Variants in TAFA5 observed in about 807,000 individuals in gnomAD.
The protein encoded by TAFA5 is TAFA chemokine like family member 5.
Under a neutral mutation model 15.3 loss-of-function variants are expected in TAFA5, and 6 were observed. That is an observed-to-expected ratio of 0.39 (90% CI 0.21 to 0.77). The LOEUF (loss-of-function observed/expected upper bound fraction) is 0.77. Ranked by LOEUF, TAFA5 falls within the 30% of genes least tolerant of loss-of-function variation. The pLI, the probability that TAFA5 is intolerant of heterozygous loss-of-function variation, is 0.41. For missense variants in TAFA5, 161 were observed against 193.1 expected (o/e 0.83, Z 0.98); for synonymous variants, 103 against 80.7 (o/e 1.28, Z -1.48).
At chr22:48,535,735 C>T (rs182581513) in intron 1 of TAFA5, among the ~76,000 whole-genome samples, 58 of 151,964 alleles carry the variant, frequency 3.8e-4, no homozygotes, top group African/African-American at 6.8e-4. Flanking sequence ...GTCACACCGG[C>T]ACATCACACG....
At chr22:48,513,079 G>T (rs1921281348) in intron 1 of TAFA5, among the ~76,000 whole-genome samples, 1 of 152,166 alleles carries the variant, frequency 6.6e-6, no homozygotes, top group Non-Finnish European at 1.5e-5. Flanking sequence ...CAGCCACTCT[G>T]GGGTGCGTTT....
intron 3 of TAFA5, among the ~76,000 whole-genome samples, chr22:48,745,488 T>C (rs2147277050): frequency 6.6e-6 from 1 of 151,338 alleles, no homozygotes; most frequent in East Asian, 2.0e-4. Context: ...GCGGCTGGCC[T>C]GTCCGGGGTT....
chr22:48,595,038 T>G (rs921049969), intron 1 of TAFA5, among the ~76,000 whole-genome samples: 1 of 152,122 alleles, frequency 6.6e-6, no homozygotes. Context: ...GTGGTTCTAG[T>G]TCTAGAAAGG....
rs915452827 is a variant in TAFA5 at position 48,709,233 on chromosome 22, C to T, written c.390+1389C>T. On this transcript the variant is annotated intron_variant, in intron 3 of 3. Transcript: ENST00000402357. Reference sequence around the variant, plus strand: ...TGCGGACAGGACAGGAGATGAGGGACGTGGGTTGCTCTAAGCTGAGGTCCT... The same window carrying T: ...TGCGGACAGGACAGGAGATGAGGGATGTGGGTTGCTCTAAGCTGAGGTCCT... Among the ~76,000 whole-genome samples the T allele has an allele frequency of 5.9e-5, 9 of 152,262 alleles. No individual in the cohort carries two copies. The South Asian group carries it at 8.3e-4, about 14-fold the overall frequency.
intron 1 of TAFA5, among the ~76,000 whole-genome samples, chr22:48,630,549 C>T (rs948769542): frequency 6.6e-6 from 1 of 152,200 alleles, no homozygotes; most frequent in African/African-American, 2.4e-5. Context: ...GGCAGGTGGC[C>T]ACGCCTTCTT....
Position 48,675,987 on chromosome 22 carries a change from C to A in TAFA5, c.262+29241C>A, listed in dbSNP as rs1927960221. On this transcript the variant is annotated intron_variant, in intron 2 of 3. Coordinates refer to ENST00000402357, the MANE Select transcript of TAFA5 (RefSeq NM_001082967.3). ...GGCGCCCACCACTGGCAAGCAGGTG[C>A]TGCCTCCAGAAGGCTGCTGAGGCAG... Among the ~76,000 whole-genome samples, 3 of 152,288 alleles carry A rather than the reference C, an allele frequency of 2.0e-5. 1 individual carries two copies. The highest frequency in any genetic ancestry group is 2.0e-4 in the Admixed American group (3 of 15,292).
At chr22:48,739,932 G>A (rs1930132979) in intron 3 of TAFA5, among the ~76,000 whole-genome samples, 1 of 152,212 alleles carries the variant, frequency 6.6e-6, no homozygotes, top group African/African-American at 2.4e-5. Context: ...TGAGTCAGCA[G>A]AAGCTCTGGG....
At chr22:48,510,931 CCATCTTTGG>C (rs2147101324) in intron 1 of TAFA5, among the ~76,000 whole-genome samples, 1 of 152,370 alleles carries the variant, frequency 6.6e-6, no homozygotes, top group South Asian at 2.1e-4. Flanking sequence ...TTGCAAAAGT[CCATCTTTGG>C]AAGATTTCTC....
intron 1 of TAFA5, among the ~76,000 whole-genome samples, chr22:48,590,682 AT>A (rs535766898): frequency 4.7e-5 from 7 of 149,186 alleles, no homozygotes; most frequent in East Asian, 2.0e-4. Flanking sequence ...TGACATTTTC[AT>A]TTTTTTTTTA....
At chr22:48,642,049 G>A (rs1454164892) in intron 1 of TAFA5, among the ~76,000 whole-genome samples, 1 of 152,088 alleles carries the variant, frequency 6.6e-6, no homozygotes, top group Non-Finnish European at 1.5e-5. Flanking sequence ...AGCATGCTGA[G>A]GGGGGCAGCC....
chr22:48,613,710 G>A (rs1159798874), intron 1 of TAFA5, among the ~76,000 whole-genome samples: 2 of 152,234 alleles, frequency 1.3e-5, no homozygotes, highest in African/African-American at 4.8e-5. Context: ...TTCCCCGGCT[G>A]CCCTTGTGGC....
chr22:48,546,530 G>A (rs940536764), intron 1 of TAFA5: 5 of 471,052 alleles, frequency 1.1e-5, no homozygotes, highest in East Asian at 6.9e-5. Flanking sequence ...GGCAGCCCGC[G>A]GCTGTGGGAT....
At chr22:48,602,665 G>A (rs546597421) in intron 1 of TAFA5, among the ~76,000 whole-genome samples, 5 of 152,320 alleles carry the variant, frequency 3.3e-5, no homozygotes, top group East Asian at 1.9e-4. Flanking sequence ...GTACAGAGAC[G>A]CTTGGCTCGC....
intron 1 of TAFA5, among the ~76,000 whole-genome samples, chr22:48,628,078 C>T (rs1425171706): frequency 1.3e-5 from 2 of 151,354 alleles, no homozygotes; most frequent in Non-Finnish European, 2.9e-5. Flanking sequence ...GGGGTGGGCA[C>T]AGGACGTGAC....
intron 1 of TAFA5, among the ~76,000 whole-genome samples, chr22:48,594,266 T>C (rs1924680949): frequency 1.3e-5 from 2 of 152,188 alleles, no homozygotes; most frequent in South Asian, 4.1e-4. Context: ...CAGCAGATCC[T>C]GGCAGGCTTT....
chr22:48,629,031 A>G (rs910578), intron 1 of TAFA5, among the ~76,000 whole-genome samples: 130,157 of 152,200 alleles, frequency 0.86, 56,186 homozygotes, highest in East Asian at 1. Context: ...GCACACTCGC[A>G]GCTGCCGGGC....
At chr22:48,708,688 G>T (rs8141060) in intron 3 of TAFA5, among the ~76,000 whole-genome samples, 3 of 152,214 alleles carry the variant, frequency 2.0e-5, no homozygotes, top group African/African-American at 7.2e-5. Flanking sequence ...GACGTGAGTG[G>T]GTGAGCGTTT....
chr22:48,640,027 T>A (rs1330884270), intron 1 of TAFA5, among the ~76,000 whole-genome samples: 1 of 152,220 alleles, frequency 6.6e-6, no homozygotes, highest in South Asian at 2.1e-4. Flanking sequence ...ATGATGGTGC[T>A]AGCCTGGGTG....
At chr22:48,707,588 C>G in intron 2 of TAFA5, 129 bp from the exon 3 acceptor site, 2 of 1,137,852 alleles carry the variant, frequency 1.8e-6, no homozygotes, top group East Asian at 5.2e-5. Flanking sequence ...TGTGAGGGTC[C>G]CTGGGTGGAG....
Sources: allele counts gnomAD v4.1 joint callset (sites outside exome capture counted in the v4.1 genomes callset), GRCh38; gene constraint gnomAD v4.1.1; transcripts MANE v1.5; gene names NCBI Gene and HGNC (gene_info 2026-07-23, HGNC 2026-07-21).